ADGRL2: variants seen among roughly 807,000 people sequenced by gnomAD.
ADGRL2 encodes calcium-independent alpha-latrotoxin receptor 2.
In ADGRL2, 44 loss-of-function variants were observed where a neutral mutation model predicts 157.4. The ratio of observed to expected loss-of-function variants is 0.28; its 90% CI spans 0.22 to 0.36. ADGRL2 has a LOEUF of 0.36. ADGRL2 is among the 10% of genes least tolerant of loss of function. ADGRL2 has a pLI of 1.00. For missense variants in ADGRL2, 1,510 were observed against 1,768.9 expected (o/e 0.85, Z 2.63); for synonymous variants, 585 against 624.7 (o/e 0.94, Z 0.95).
intron 2 of ADGRL2, among the ~76,000 whole-genome samples, chr1:81,789,791 C>T (rs1449995700): frequency 6.6e-6 from 1 of 151,700 alleles, no homozygotes; most frequent in African/African-American, 2.4e-5. Flanking sequence ...CCAAACATCT[C>T]CTTTTTTGGA....
chr1:81,334,506 G>T (rs1570648571), intron 1 of ADGRL2, among the ~76,000 whole-genome samples: 1 of 152,228 alleles, frequency 6.6e-6, no homozygotes, highest in East Asian at 1.9e-4. Flanking sequence ...TACCATTTTA[G>T]TGGCTTTAAA....
At chr1:81,426,704 T>C in intron 1 of ADGRL2, 2 of 473,706 alleles carry the variant, frequency 4.2e-6, no homozygotes, top group South Asian at 1.6e-5. Flanking sequence ...TGTGACTTAC[T>C]CTTGTGTTGA....
chr1:81,828,921 T>C (rs2091722545), intron 1 of ADGRL2, among the ~76,000 whole-genome samples: 1 of 151,092 alleles, frequency 6.6e-6, no homozygotes. Flanking sequence ...TTTTTTTTCA[T>C]TTTTTTTGGG....
chr1:81,916,981 A>G (rs893691037), intron 3 of ADGRL2, among the ~76,000 whole-genome samples: 2 of 151,648 alleles, frequency 1.3e-5, no homozygotes, highest in African/African-American at 4.8e-5. Flanking sequence ...GAGAAAAAAA[A>G]AATACATATA....
chr1:81,984,485 CT>C, intron 19 of ADGRL2, 97 bp from the exon 20 acceptor site: 1 of 1,256,086 alleles, frequency 8.0e-7, no homozygotes, highest in Non-Finnish European at 1.1e-6. Flanking sequence ...TTTAGTGGAA[CT>C]TTAATTCTTT....
At chr1:81,405,449 C>T (rs904865322) in intron 1 of ADGRL2, among the ~76,000 whole-genome samples, 1 of 151,848 alleles carries the variant, frequency 6.6e-6, no homozygotes, top group Non-Finnish European at 1.5e-5. Flanking sequence ...GGGAGGATTG[C>T]GTGAGCCCAG....
intron 3 of ADGRL2, among the ~76,000 whole-genome samples, chr1:81,907,603 A>AC (rs2094610367): frequency 6.6e-6 from 1 of 151,944 alleles, no homozygotes; most frequent in South Asian, 2.1e-4. Flanking sequence ...TTGCTACTTA[A>AC]CTTTTTTTTT....
intron 1 of ADGRL2, among the ~76,000 whole-genome samples, chr1:81,334,404 A>C (rs1013547090): frequency 6.6e-6 from 1 of 152,220 alleles, no homozygotes; most frequent in Non-Finnish European, 1.5e-5. Context: ...CTGTCATATT[A>C]GTTTCATTTC....
intron 2 of ADGRL2, among the ~76,000 whole-genome samples, chr1:81,469,855 C>T (rs2078133994): frequency 6.6e-6 from 1 of 152,206 alleles, no homozygotes; most frequent in South Asian, 2.1e-4. Flanking sequence ...GCTTCTTAAA[C>T]ACATCCTATG....
chr1:81,396,700 G>A (rs921702359), intron 1 of ADGRL2, among the ~76,000 whole-genome samples: 3 of 152,132 alleles, frequency 2.0e-5, no homozygotes, highest in Non-Finnish European at 4.4e-5. Flanking sequence ...GTTTTATAAC[G>A]AAGGGATACT....
At chr1:81,553,856 A>G (rs1358390076) in intron 2 of ADGRL2, among the ~76,000 whole-genome samples, 1 of 152,224 alleles carries the variant, frequency 6.6e-6, no homozygotes, top group Non-Finnish European at 1.5e-5. Context: ...GGCAAAAGCT[A>G]CTAGCAGTGG....
At chr1:81,770,497 G>C (rs1013541398) in intron 2 of ADGRL2, among the ~76,000 whole-genome samples, 20 of 147,260 alleles carry the variant, frequency 1.4e-4, no homozygotes, top group Non-Finnish European at 2.4e-4. Context: ...TTTTAAGACA[G>C]AGTTTTGCTC....
intron 1 of ADGRL2, among the ~76,000 whole-genome samples, chr1:81,388,816 G>A (rs531167456): frequency 1.7e-4 from 26 of 152,094 alleles, no homozygotes; most frequent in Non-Finnish European, 3.8e-4. Flanking sequence ...AATAAACCAA[G>A]CGATACTCAA....
chr1:81,496,105 A>T (rs186968513), intron 2 of ADGRL2, among the ~76,000 whole-genome samples: 40 of 152,326 alleles, frequency 2.6e-4, no homozygotes, highest in Admixed American at 3.9e-4. Context: ...GCCATCATTG[A>T]TTAGACCAGT....
intron 2 of ADGRL2, among the ~76,000 whole-genome samples, chr1:81,857,546 A>G (rs2093243906): frequency 6.6e-6 from 1 of 152,162 alleles, no homozygotes; most frequent in South Asian, 2.1e-4. Flanking sequence ...GGCATTGCGT[A>G]GTCACCTCAG....
At chr1:81,572,458 A>C (rs2148502479) in intron 2 of ADGRL2, among the ~76,000 whole-genome samples, 1 of 152,324 alleles carries the variant, frequency 6.6e-6, no homozygotes, top group South Asian at 2.1e-4. Context: ...GATACAGAAA[A>C]GTAAACAGGC....
Position 81,387,039 on chromosome 1 carries a change from T to C in ADGRL2, c.-301-57997T>C, listed in dbSNP as rs967831325. Among the ~76,000 whole-genome samples, 8 of 152,164 alleles carry C rather than the reference T, an allele frequency of 5.3e-5. No homozygotes were observed. In the South Asian group the frequency reaches 1.7e-3, roughly 31 times the overall value. ...ATGGCCTTTTAAAAGAAAATTTTAG[T>C]ATAGTTCTGACTTTTATGAGAGTTG... is the stretch of plus-strand genomic sequence containing the variant. On this transcript the variant is annotated intron_variant, in intron 1 of 24. Transcript: ENST00000370721.
At chr1:81,958,595 T>A (rs1247822085) in intron 11 of ADGRL2, among the ~76,000 whole-genome samples, 2 of 152,218 alleles carry the variant, frequency 1.3e-5, no homozygotes, top group African/African-American at 4.8e-5. Context: ...GATATAATTT[T>A]ATCTATTATA....
intron 1 of ADGRL2, among the ~76,000 whole-genome samples, chr1:81,375,394 A>G (rs1387852125): frequency 6.6e-6 from 1 of 152,230 alleles, no homozygotes; most frequent in Admixed American, 6.5e-5. Flanking sequence ...AAGGTATTTA[A>G]GATAGCAAAC....
Sources: allele counts gnomAD v4.1 joint callset (sites outside exome capture counted in the v4.1 genomes callset), GRCh38; gene constraint gnomAD v4.1.1; transcripts MANE v1.5; gene names NCBI Gene and HGNC (gene_info 2026-07-23, HGNC 2026-07-21).